The following COL6A6 variants were observed in gnomAD, a reference collection of about 807,000 sequenced individuals.
COL6A6 encodes the protein collagen alpha-6(VI) chain.
Under a neutral mutation model 208.6 loss-of-function variants are expected in COL6A6, and 183 were observed. The observed-to-expected ratio is 0.88, with a 90% confidence interval of 0.78 to 0.99. The LOEUF (loss-of-function observed/expected upper bound fraction) is 0.99, where lower values mean the gene tolerates loss of function less well. Ranked by LOEUF, COL6A6 falls within the 50% of genes least tolerant of loss-of-function variation. The probability of loss-of-function intolerance (pLI) is 0.00; values close to 1 mark genes in which losing one functional copy is unlikely to be tolerated. For missense variants in COL6A6, 2,816 were observed against 2,815.2 expected (o/e 1.00, Z -0.01); for synonymous variants, 973 against 1,011.8 (o/e 0.96, Z 0.73).
chr3:130,528,723 C>T (rs370650984), intron 1 of COL6A6, among the ~76,000 whole-genome samples: 1 of 152,260 alleles, frequency 6.6e-6, no homozygotes, highest in Admixed American at 6.5e-5. Context: ...AATAATCACC[C>T]ATCAGGTTCC....
intron 8 of COL6A6, among the ~76,000 whole-genome samples, chr3:130,575,384 T>C (rs2063271109): frequency 6.6e-6 from 1 of 152,254 alleles, no homozygotes; most frequent in Non-Finnish European, 1.5e-5. Flanking sequence ...GATATAATTA[T>C]AAAGTGCCTT....
intron 23 of COL6A6, among the ~76,000 whole-genome samples, chr3:130,613,832 A>G (rs540214554): frequency 8.1e-4 from 124 of 152,282 alleles, no homozygotes; most frequent in African/African-American, 2.7e-3. Flanking sequence ...TTGTTGGTGT[A>G]TAGGAATGCT....
Position 130,570,526 on chromosome 3 carries a change from T to C in COL6A6, c.2402-292T>C, listed in dbSNP as rs1030495710. On this transcript the variant is annotated intron_variant, in intron 6 of 36. Coordinates refer to ENST00000358511, the MANE Select transcript of COL6A6 (RefSeq NM_001102608.3). The stretch of plus-strand genomic sequence containing the variant: ...ATTGATTTTTTTAGTCCAAAGCTTT[T>C]AAAATTTTTTATTCCTGGCAATCCT... Among the ~76,000 whole-genome samples the C allele has an allele frequency of 1.3e-5, 2 of 152,238 alleles. 1 individual carries two copies. Among genetic ancestry groups the C allele is most frequent in the Middle Eastern group, 6.3e-3 (2 of 316 alleles).
intron 28 of COL6A6, among the ~76,000 whole-genome samples, chr3:130,636,800 CCCTCCCCTCCCCCTCCCCTTCCT>C (rs2065132557): frequency 4.7e-5 from 1 of 21,456 alleles, no homozygotes; most frequent in African/African-American, 2.7e-4. Flanking sequence ...CCTCCCCTCC[CCCTCCCCTCCCCCTCCCCTTCCT>C]CCTCCCCTCC....
In COL6A6 at chr3:130,563,508, G is replaced by T. The variant is rs372156592; in HGVS notation, c.505G>T (p.Ala169Ser). 6.2e-7 allele frequency: 1 copy of T among 1,613,910 alleles called. No homozygotes were observed. Among genetic ancestry groups the T allele is most frequent in the Non-Finnish European group, 8.5e-7 (1 of 1,179,908 alleles). Residue 169 changes from alanine to serine, a missense_variant, in exon 3 of 37, where the codon GCT (alanine) becomes TCT (serine). Ala to Ser is a moderately conservative substitution (Grantham distance 99). Coordinates refer to ENST00000358511, the MANE Select transcript of COL6A6 (RefSeq NM_001102608.3). ...AATCATCTCTGTAGGGGTGCAGAAA[G>T]CTTCTGAGGAAAACCTGAAGGCCAT... ...VKIISVGVQK[A>S]SEENLKAMAT...
In COL6A6 at chr3:130,634,713, A is replaced by C. The variant is rs780898704; in HGVS notation, c.5028+88A>C. 9 of 925,366 alleles carry C rather than the reference A, an allele frequency of 9.7e-6. No individual in the cohort carries two copies. In the South Asian group the frequency reaches 1.5e-4, roughly 15 times the overall value. 57.3% of individuals were successfully genotyped at this position (925,366 alleles called of 1,614,324 possible). A position where few individuals can be genotyped will look rare whatever the true frequency, so the allele number is the denominator to read the frequency against. ...ATCCTAGGCCAGTAGAAGAACAGTT[A>C]ATGATAAATAAATGTCCTACCTTTG... On this transcript the variant is annotated intron_variant, in intron 27 of 36. Coordinates refer to ENST00000358511, the MANE Select transcript of COL6A6 (RefSeq NM_001102608.3).
chr3:130,615,719 G>A (rs533654177), intron 23 of COL6A6, among the ~76,000 whole-genome samples: 37 of 152,194 alleles, frequency 2.4e-4, no homozygotes, highest in African/African-American at 7.9e-4. Flanking sequence ...TGTTAAAGAT[G>A]GAAATGCCAA....
chr3:130,552,426 G>A (rs2062664111), intron 1 of COL6A6, among the ~76,000 whole-genome samples: 1 of 152,094 alleles, frequency 6.6e-6, no homozygotes, highest in Admixed American at 6.5e-5. Flanking sequence ...TTGGTTTAAA[G>A]TCTGTTTTGT....
intron 1 of COL6A6, among the ~76,000 whole-genome samples, chr3:130,526,314 T>A (rs2061960865): frequency 6.6e-6 from 1 of 151,978 alleles, no homozygotes; most frequent in Non-Finnish European, 1.5e-5. Context: ...AACTTTGGGC[T>A]TGTTCATGGA....
In COL6A6 at chr3:130,661,902, G is replaced by C; in HGVS notation, c.6096G>C (p.Glu2032Asp). 2 of 1,613,980 alleles carry C rather than the reference G, an allele frequency of 1.2e-6. No homozygotes were observed. Among genetic ancestry groups the C allele is most frequent in the East Asian group, 4.5e-5 (2 of 44,892 alleles). ...CTCAGAAGAGTCCAGTTAGAGCTGAGTTCAATCTTACCACCTACAGAAGTA... is the reference window on the plus strand; with the variant it reads ...CTCAGAAGAGTCCAGTTAGAGCTGACTTCAATCTTACCACCTACAGAAGTA... ...PNTQKSPVRA[E>D]FNLTTYRSKR... Residue 2032 changes from glutamate to aspartate, a missense_variant, in exon 35 of 37, where the codon GAG (glutamate) becomes GAC (aspartate). Transcript: ENST00000358511.
intron 1 of COL6A6, among the ~76,000 whole-genome samples, chr3:130,522,125 C>G (rs1050895466): frequency 1.3e-5 from 2 of 152,136 alleles, no homozygotes; most frequent in Non-Finnish European, 2.9e-5. Context: ...GCCAAGTGGA[C>G]TATAGATGCC....
At chr3:130,673,220 A>AAAAAAAACC (rs1553724908) in intron 36 of COL6A6, among the ~76,000 whole-genome samples, 1 of 129,624 alleles carries the variant, frequency 7.7e-6, no homozygotes, top group African/African-American at 2.9e-5. Flanking sequence ...AAAAAAACAA[A>AAAAAAAACC]AAAAAAAAAC....
chr3:130,518,843 G>GA (rs1710898250), intron 1 of COL6A6, among the ~76,000 whole-genome samples: 1 of 151,736 alleles, frequency 6.6e-6, no homozygotes, highest in South Asian at 2.1e-4. Flanking sequence ...AAAAGAAGGA[G>GA]AAAAAAAATA....
At chr3:130,609,722 C>T (rs977669338) in intron 22 of COL6A6, among the ~76,000 whole-genome samples, 3 of 151,984 alleles carry the variant, frequency 2.0e-5, no homozygotes, top group Non-Finnish European at 4.4e-5. Context: ...GGACAATCAA[C>T]GGCTCTGCTA....
At chr3:130,522,285 C>T (rs939103632) in intron 1 of COL6A6, among the ~76,000 whole-genome samples, 6 of 152,182 alleles carry the variant, frequency 3.9e-5, no homozygotes, top group Middle Eastern at 3.4e-3. Flanking sequence ...AAATTCTCAT[C>T]GCCTTTTTTG....
At chr3:130,611,379 C>T (rs558827238) in intron 23 of COL6A6, among the ~76,000 whole-genome samples, 1 of 152,292 alleles carries the variant, frequency 6.6e-6, no homozygotes, top group Non-Finnish European at 1.5e-5. Flanking sequence ...TGATCCAGAC[C>T]ACATTTTTAA....
intron 25 of COL6A6, 52 bp from the exon 26 acceptor site, chr3:130,627,267 C>G (rs911950458): frequency 2.0e-6 from 3 of 1,533,498 alleles, no homozygotes; most frequent in Admixed American, 1.7e-5. Context: ...GAAGAATAAG[C>G]CTGTCTCTAT....
At chr3:130,662,392 C>A in intron 35 of COL6A6, 84 bp downstream of exon 35, 1 of 1,312,524 alleles carries the variant, frequency 7.6e-7, no homozygotes, top group Non-Finnish European at 1.0e-6. Context: ...AACATGGATA[C>A]TTGGAAACCT....
intron 23 of COL6A6, among the ~76,000 whole-genome samples, chr3:130,615,761 G>A (rs1222927760): frequency 6.6e-6 from 1 of 152,164 alleles, no homozygotes; most frequent in Admixed American, 6.5e-5. Flanking sequence ...TATCTCATCT[G>A]TTTATATAAA....
Sources: gnomAD v4.1 joint callset for allele counts (sites outside exome capture counted in the v4.1 genomes callset) on GRCh38, gnomAD v4.1.1 for gene constraint, MANE v1.5 for transcripts, NCBI Gene and HGNC (gene_info 2026-07-23, HGNC 2026-07-21) for gene names.